Variants in PPFIBP2 observed in about 807,000 individuals in gnomAD.
PPFIBP2 encodes PPFIB scaffold protein 2, also known as liprin-beta-2.
PPFIBP2 carries 118 observed loss-of-function variants against 118.3 expected under a neutral mutation model. That is an observed-to-expected ratio of 1.00 (90% confidence interval 0.86 to 1.16). The LOEUF is 1.16. Among genes scored for constraint, PPFIBP2 ranks in the 50% most tolerant of loss-of-function variants. The probability of loss-of-function intolerance (pLI) is 0.00; values close to 1 mark genes in which losing one functional copy is unlikely to be tolerated. For synonymous variants in PPFIBP2, 414 were observed against 397.4 expected (o/e 1.04, Z -0.50); for missense variants, 1,195 against 1,073.1 (o/e 1.11, Z -1.59).
At chr11:7,623,423 T>G (rs972124720) in intron 7 of PPFIBP2, among the ~76,000 whole-genome samples, 1 of 152,226 alleles carries the variant, frequency 6.6e-6, no homozygotes, top group African/African-American at 2.4e-5. Context: ...CACAGTCAAG[T>G]AGAAGGTCTC....
intron 1 of PPFIBP2, among the ~76,000 whole-genome samples, chr11:7,518,568 TG>T (rs1474025171): frequency 4.6e-5 from 7 of 152,146 alleles, no homozygotes; most frequent in African/African-American, 1.7e-4. Flanking sequence ...TGTGTCAGCA[TG>T]CACCTGAGCT....
intron 1 of PPFIBP2, among the ~76,000 whole-genome samples, chr11:7,539,707 A>T (rs1197705954): frequency 6.6e-6 from 1 of 152,186 alleles, no homozygotes; most frequent in East Asian, 1.9e-4. Context: ...AGTCACTTCC[A>T]TCTGGGGGAT....
intron 6 of PPFIBP2, chr11:7,617,186 A>G (rs1848753808): frequency 2.0e-6 from 2 of 985,320 alleles, no homozygotes; most frequent in Admixed American, 6.1e-5. Context: ...GGCAGATTCA[A>G]GAGCGCCTGT....
At chr11:7,548,925 C>T (rs1218724391) in intron 1 of PPFIBP2, among the ~76,000 whole-genome samples, 1 of 152,138 alleles carries the variant, frequency 6.6e-6, no homozygotes, top group African/African-American at 2.4e-5. Context: ...GGCATTTGAG[C>T]CCTCTCAGCC....
intron 1 of PPFIBP2, among the ~76,000 whole-genome samples, chr11:7,532,896 T>C (rs1850854544): frequency 6.6e-6 from 1 of 152,202 alleles, no homozygotes; most frequent in Non-Finnish European, 1.5e-5. Flanking sequence ...TTAATTCAAT[T>C]AGTGTTTACC....
At position 7,651,770 on chromosome 11, in the gene PPFIBP2, G is replaced by T; in HGVS notation, c.2362G>T (p.Glu788Ter). 1 of 1,614,102 alleles carries T rather than the reference G, an allele frequency of 6.2e-7. No individual in the cohort carries two copies. Among genetic ancestry groups the T allele is most frequent in the East Asian group, 2.2e-5 (1 of 44,876 alleles). ...TTKFNALIGPEAEQEKREKMA... is the reference protein window; with the variant it reads ...TTKFNALIGP ...CAAGTTCAATGCCTTGATTGGTCCG[G>T]AGGCTGAACAGGAGAAGCGAGAGAA... The change falls in exon 23 of 24, where the codon GAG (glutamate) becomes TAG (stop). Residue 788 changes from glutamate to a stop codon, truncating the protein, a stop_gained. Coordinates refer to ENST00000299492, the MANE Select transcript of PPFIBP2 (RefSeq NM_003621.5). LOFTEE classifies it high-confidence loss of function.
At chr11:7,649,760 C>A (rs1267567627) in intron 21 of PPFIBP2, 106 bp downstream of exon 21, 12 of 1,483,826 alleles carry the variant, frequency 8.1e-6, no homozygotes, top group Non-Finnish European at 1.1e-5. Flanking sequence ...TTTTTTGCAC[C>A]ATGGTGCCTG....
the PPFIBP2 span, among the ~76,000 whole-genome samples, chr11:7,663,782 G>A: frequency 1.3e-5 from 2 of 152,206 alleles, no homozygotes; most frequent in Admixed American, 1.3e-4. Flanking sequence ...TCAGACTGCT[G>A]TGCTAGCAAT....
At chr11:7,634,382 TGAC>T in intron 12 of PPFIBP2, 110 bp from the exon 13 acceptor site, 3 of 829,294 alleles carry the variant, frequency 3.6e-6, no homozygotes, top group Non-Finnish European at 3.9e-6. Context: ...TTTTTTTTCT[TGAC>T]TTTGAACCTA....
downstream of PPFIBP2, among the ~76,000 whole-genome samples, chr11:7,659,822 C>T (rs1232577801): frequency 1.0e-4 from 10 of 99,300 alleles, 2 homozygotes; most frequent in Non-Finnish European, 2.4e-4. Flanking sequence ...CTTTTATTTC[C>T]TTGAGCAGTG....
chr11:7,548,721 A>T (rs558801785), intron 1 of PPFIBP2, among the ~76,000 whole-genome samples: 3 of 152,280 alleles, frequency 2.0e-5, no homozygotes, highest in African/African-American at 7.2e-5. Context: ...ATACAGCATT[A>T]AGGTAGTGGC....
intron 1 of PPFIBP2, among the ~76,000 whole-genome samples, chr11:7,548,731 C>G (rs1415667516): frequency 6.6e-6 from 1 of 152,164 alleles, no homozygotes; most frequent in Non-Finnish European, 1.5e-5. Context: ...AAGGTAGTGG[C>G]CGGACTGTGT....
At chr11:7,578,715 G>C (rs1856811857) in intron 3 of PPFIBP2, among the ~76,000 whole-genome samples, 1 of 152,212 alleles carries the variant, frequency 6.6e-6, no homozygotes, top group Non-Finnish European at 1.5e-5. Flanking sequence ...TGATGGAGAA[G>C]GGGGTTGGGG....
At chr11:7,544,657 C>G (rs928248202) in intron 1 of PPFIBP2, among the ~76,000 whole-genome samples, 1 of 151,604 alleles carries the variant, frequency 6.6e-6, no homozygotes, top group African/African-American at 2.4e-5. Flanking sequence ...ACCTGTAGTC[C>G]TAGCTACTCG....
chr11:7,553,643 C>T (rs140998310), intron 2 of PPFIBP2, among the ~76,000 whole-genome samples: 118 of 152,186 alleles, frequency 7.8e-4, no homozygotes, highest in African/African-American at 2.5e-3. Flanking sequence ...ATTTACTTAT[C>T]GATAAAATAG....
intron 7 of PPFIBP2, among the ~76,000 whole-genome samples, chr11:7,624,687 C>T (rs140103686): frequency 2.6e-5 from 4 of 152,258 alleles, no homozygotes; most frequent in East Asian, 1.9e-4. Flanking sequence ...AGAATTGAAC[C>T]GATTATCCAC....
At chr11:7,601,397 G>T (rs924689068) in intron 5 of PPFIBP2, among the ~76,000 whole-genome samples, 1 of 152,122 alleles carries the variant, frequency 6.6e-6, no homozygotes, top group Non-Finnish European at 1.5e-5. Flanking sequence ...CACTTTTCAG[G>T]GCAAAATAAT....
chr11:7,580,798 G>A lies in PPFIBP2; in HGVS notation c.280-12334G>A, dbSNP rs148052248. 6.3e-3 allele frequency among the ~76,000 whole-genome samples: 956 copies of A among 152,296 alleles called. 9 individuals carry two copies. The highest frequency in any genetic ancestry group is 0.022 in the African/African-American group (911 of 41,554). The stretch of plus-strand genomic sequence containing the variant: ...TTATGAGGACTCAGTAAGATAGTAC[G>A]ATTAGTGCAGTATCATGCATGTAGG... On this transcript the variant is annotated intron_variant, in intron 3 of 23. Transcript: ENST00000299492.
intron 1 of PPFIBP2, among the ~76,000 whole-genome samples, chr11:7,541,996 T>G (rs914434666): frequency 6.6e-6 from 1 of 152,200 alleles, no homozygotes; most frequent in Non-Finnish European, 1.5e-5. Context: ...TCTGAGTCAC[T>G]TCATCTCTTG....
Sources: gnomAD v4.1 joint callset for allele counts (sites outside exome capture counted in the v4.1 genomes callset) on GRCh38, gnomAD v4.1.1 for gene constraint, MANE v1.5 for transcripts, NCBI Gene and HGNC (gene_info 2026-07-23, HGNC 2026-07-21) for gene names.